CEP350: variants seen among roughly 807,000 people sequenced by gnomAD.
CEP350 encodes centrosome-associated protein 350.
Under a neutral mutation model 331.8 loss-of-function variants are expected in CEP350, and 126 were observed. That is an observed-to-expected ratio of 0.38 (90% CI 0.33 to 0.44). CEP350 has a LOEUF of 0.44. Ranked by LOEUF, CEP350 falls within the 20% of genes least tolerant of loss-of-function variation. CEP350 has a pLI of 1.00. For synonymous variants in CEP350, 1,200 were observed against 1,259.5 expected (o/e 0.95, Z 1.00); for missense variants, 3,406 against 3,634.6 (o/e 0.94, Z 1.62).
intron 15 of CEP350, among the ~76,000 whole-genome samples, chr1:180,031,726 A>G (rs1656034601): frequency 6.6e-6 from 1 of 152,078 alleles, no homozygotes; most frequent in African/African-American, 2.4e-5. Context: ...CCTCTTTCTC[A>G]GGAATTCTCT....
intron 8 of CEP350, 150 bp downstream of exon 8, chr1:180,006,717 T>TC: frequency 1.7e-6 from 1 of 579,354 alleles, no homozygotes; most frequent in East Asian, 2.9e-5. Flanking sequence ...CATTAACCCG[T>TC]CATCTACATT....
chr1:180,025,472 A>G (rs181858413), intron 14 of CEP350, among the ~76,000 whole-genome samples: 1 of 152,104 alleles, frequency 6.6e-6, no homozygotes, highest in East Asian at 1.9e-4. Context: ...CCTCATTTCT[A>G]CTCTTGGCTT....
intron 27 of CEP350, among the ~76,000 whole-genome samples, chr1:180,074,308 A>G (rs1397104330): frequency 2.0e-5 from 3 of 152,200 alleles, no homozygotes; most frequent in Non-Finnish European, 2.9e-5. Context: ...TGGGCCTAAG[A>G]TATCATTGGC....
intron 1 of CEP350, among the ~76,000 whole-genome samples, chr1:179,981,474 A>G (rs547178447): frequency 2.0e-5 from 3 of 152,328 alleles, no homozygotes; most frequent in East Asian, 3.9e-4. Flanking sequence ...AAACCTTTTG[A>G]TAGATTATTT....
intron 1 of CEP350, among the ~76,000 whole-genome samples, chr1:179,976,492 T>C (rs1486383983): frequency 1.3e-5 from 2 of 152,086 alleles, no homozygotes; most frequent in African/African-American, 2.4e-5. Context: ...ATATTTGAGA[T>C]TCATTTCCAG....
intron 12 of CEP350, among the ~76,000 whole-genome samples, chr1:180,022,469 A>G (rs1655390979): frequency 6.6e-6 from 1 of 152,152 alleles, no homozygotes; most frequent in South Asian, 2.1e-4. Flanking sequence ...GATGATGAAT[A>G]CTTTGGTTTC....
At chr1:180,082,597 G>GA (rs1659643580) in intron 30 of CEP350, among the ~76,000 whole-genome samples, 1 of 152,076 alleles carries the variant, frequency 6.6e-6, no homozygotes, top group African/African-American at 2.4e-5. Context: ...TTACAGGCAC[G>GA]AACCAGTGCG....
intron 29 of CEP350, 37 bp downstream of exon 29, chr1:180,078,711 A>G (rs762982745): frequency 5.2e-6 from 8 of 1,526,362 alleles, no homozygotes; most frequent in Middle Eastern, 2.3e-4. Flanking sequence ...AAGATTCTCT[A>G]GAAAAAAAAC....
chr1:180,074,540 A>G (rs1333088765), intron 27 of CEP350, among the ~76,000 whole-genome samples: 4 of 152,192 alleles, frequency 2.6e-5, no homozygotes, highest in Non-Finnish European at 5.9e-5. Context: ...ATAAAAGTAA[A>G]AAAGGGACAT....
Position 179,954,948 on chromosome 1 carries a change from GCC to G in CEP350, c.-207_-206del, listed in dbSNP as rs1240190295. 1 of 1,029,738 alleles carries G rather than the reference GCC, an allele frequency of 9.7e-7. No homozygotes were observed. The highest frequency in any genetic ancestry group is 3.3e-5 in the East Asian group (1 of 30,558). The allele number at this position is 1,029,738 out of a possible 1,614,324, so 63.8% of individuals were successfully genotyped here. A position where few individuals can be genotyped will look rare whatever the true frequency, so the allele number is the denominator to read the frequency against. ...GGCTTGCCCTGAGGGAGGGGAGGCA[GCC>G]TTTCCGCCTTGTCTTCCTTCCCAGC... On this transcript the variant is annotated 5_prime_UTR_variant, in exon 1 of 38. Transcript: ENST00000367607.
At chr1:180,053,245 T>C (rs530722342) in intron 23 of CEP350, 79 bp downstream of exon 23, 3 of 649,418 alleles carry the variant, frequency 4.6e-6, no homozygotes, top group Middle Eastern at 2.6e-4. Flanking sequence ...TTTGTACTTA[T>C]CTCATTTGTC....
At chr1:180,088,086 T>C (rs1216484706) in intron 32 of CEP350, among the ~76,000 whole-genome samples, 1 of 152,120 alleles carries the variant, frequency 6.6e-6, no homozygotes, top group Non-Finnish European at 1.5e-5. Context: ...AAGTCTAAAT[T>C]GAGAAAATGT....
Position 179,987,235 on chromosome 1 carries a change from C to A in CEP350, c.74-5C>A. ...TGATAAAGTAAATATCATTTTTTTT[C>A]CCAGCAGATATAACCACATCGTGGG... On this transcript the variant is annotated splice_polypyrimidine_tract_variant and splice_region_variant and intron_variant, in intron 2 of 37. Transcript: ENST00000367607. The A allele has an allele frequency of 1.3e-6, 2 of 1,494,690 alleles. No individual in the cohort carries two copies. Among genetic ancestry groups the A allele is most frequent in the East Asian group, 2.3e-5 (1 of 42,996 alleles). The allele number at this position is 1,494,690 out of a possible 1,614,324, so 92.6% of individuals were successfully genotyped here. A position where few individuals can be genotyped will look rare whatever the true frequency, so the allele number is the denominator to read the frequency against.
chr1:180,076,665 T>G (rs1164876326), intron 28 of CEP350, among the ~76,000 whole-genome samples: 1 of 152,090 alleles, frequency 6.6e-6, no homozygotes, highest in East Asian at 1.9e-4. Flanking sequence ...GGCACACACC[T>G]GTGGTCCCAG....
chr1:180,086,684 A>G (rs773589631), intron 31 of CEP350, among the ~76,000 whole-genome samples: 7 of 152,118 alleles, frequency 4.6e-5, no homozygotes, highest in African/African-American at 1.2e-4. Context: ...ATATATACCT[A>G]TTGAGCTAGA....
rs1440307335 is a variant in CEP350 at position 180,051,743 on chromosome 1, C to T, written c.4793-1227C>T. Among the ~76,000 whole-genome samples the T allele has an allele frequency of 2.6e-5, 4 of 152,126 alleles. No individual in the cohort carries two copies. In the South Asian group the frequency reaches 8.3e-4, roughly 32 times the overall value. On this transcript the variant is annotated intron_variant, in intron 22 of 37. Coordinates refer to ENST00000367607, the MANE Select transcript of CEP350 (RefSeq NM_014810.5). ...ACATTGAAGGGGTTGGGGGAAAGAG[C>T]TGATCTAAGTAAGTAACTTTGGAAA...
intron 11 of CEP350, 45 bp from the exon 12 acceptor site, chr1:180,019,904 A>C: frequency 6.6e-7 from 1 of 1,507,218 alleles, no homozygotes; most frequent in Non-Finnish European, 8.8e-7. Context: ...AACTTTTTTA[A>C]AATGGTGGTT....
chr1:180,042,130 T>TCACACACACACA (rs533781557), intron 19 of CEP350, among the ~76,000 whole-genome samples: 2 of 69,208 alleles, frequency 2.9e-5, no homozygotes, highest in South Asian at 5.1e-4. Context: ...GTGAGTTTTC[T>TCACACACACACA]CTCACACACA....
At position 180,076,397 on chromosome 1, in the gene CEP350, G is replaced by A. The variant is rs191134102; in HGVS notation, c.5767+1176G>A. On this transcript the variant is annotated intron_variant, in intron 28 of 37. Coordinates refer to ENST00000367607, the MANE Select transcript of CEP350 (RefSeq NM_014810.5). ...ATCCTAATACTTAATGACAGAGTAG[G>A]ATTAGCACACATTAAAAAGTTGATA... Among the ~76,000 whole-genome samples, 1,022 of 152,274 alleles carry A rather than the reference G, an allele frequency of 6.7e-3. 6 individuals are homozygous for A. The highest frequency in any genetic ancestry group is 7.8e-3 in the Non-Finnish European group (534 of 68,026).
Sources: gnomAD v4.1 joint callset for allele counts (sites outside exome capture counted in the v4.1 genomes callset) on GRCh38, gnomAD v4.1.1 for gene constraint, MANE v1.5 for transcripts, NCBI Gene and HGNC (gene_info 2026-07-23, HGNC 2026-07-21) for gene names.